The following DPP10 variants were observed in gnomAD, a reference collection of about 807,000 sequenced individuals.
The protein encoded by DPP10 is dipeptidyl peptidase like 10.
A neutral mutation model predicts 120.9 loss-of-function variants in DPP10; 33 were observed. That is an observed-to-expected ratio of 0.27 (90% CI 0.21 to 0.37). The LOEUF (loss-of-function observed/expected upper bound fraction) is 0.37. DPP10 is among the 10% of genes least tolerant of loss of function. DPP10 has a pLI of 1.00. For synonymous variants in DPP10, 337 were observed against 326.1 expected (o/e 1.03, Z -0.36); for missense variants, 816 against 942.8 (o/e 0.87, Z 1.76).
chr2:114,743,915 A>G (rs1411114860), intron 1 of DPP10, among the ~76,000 whole-genome samples: 1 of 152,068 alleles, frequency 6.6e-6, no homozygotes, highest in African/African-American at 2.4e-5. Context: ...TCTTGTCCTC[A>G]GGTAGTTTGC....
chr2:114,726,298 A>G (rs1351520863), intron 1 of DPP10, among the ~76,000 whole-genome samples: 1 of 151,880 alleles, frequency 6.6e-6, no homozygotes, highest in Non-Finnish European at 1.5e-5. Context: ...AGCCAGCCAT[A>G]TGGTTCAGAT....
chr2:115,452,836 A>G (rs996346085), intron 3 of DPP10, among the ~76,000 whole-genome samples: 1 of 151,902 alleles, frequency 6.6e-6, no homozygotes, highest in African/African-American at 2.4e-5. Context: ...TGAATCAGAC[A>G]TATTCGTTTA....
intron 1 of DPP10, among the ~76,000 whole-genome samples, chr2:115,056,986 T>C (rs1490674874): frequency 6.6e-6 from 1 of 152,208 alleles, no homozygotes; most frequent in African/African-American, 2.4e-5. Context: ...TCGCTTCACT[T>C]TCAAGGTTCC....
chr2:115,414,149 A>G lies in DPP10; in HGVS notation c.271+70237A>G, dbSNP rs1197643305. The stretch of plus-strand genomic sequence containing the variant: ...AAAAACATGTAATTTCTATCCCCCA[A>G]ATTGTACCTATTTAGGATTAGATTT... On this transcript the variant is annotated intron_variant, in intron 3 of 25. Transcript: ENST00000410059. 5.9e-5 allele frequency among the ~76,000 whole-genome samples: 9 copies of G among 152,222 alleles called. 1 individual carries two copies. The South Asian group carries it at 8.3e-4, about 14-fold the overall frequency.
At chr2:115,053,899 A>G (rs1705698744) in intron 1 of DPP10, among the ~76,000 whole-genome samples, 1 of 152,212 alleles carries the variant, frequency 6.6e-6, no homozygotes, top group Non-Finnish European at 1.5e-5. Context: ...ACTGTTTGCA[A>G]CTAGCTTATT....
chr2:115,099,396 C>T (rs1462362019), intron 1 of DPP10, among the ~76,000 whole-genome samples: 1 of 152,182 alleles, frequency 6.6e-6, no homozygotes, highest in Admixed American at 6.5e-5. Context: ...AGCAGCCATA[C>T]TTTCTCCCGG....
intron 5 of DPP10, among the ~76,000 whole-genome samples, chr2:115,598,478 G>C (rs11903481): frequency 0.012 from 1,879 of 151,508 alleles, 30 homozygotes; most frequent in African/African-American, 0.044. Context: ...CTGTTCTATG[G>C]CTTACAATTT....
At chr2:114,901,522 G>T (rs919588352) in intron 1 of DPP10, among the ~76,000 whole-genome samples, 1 of 152,080 alleles carries the variant, frequency 6.6e-6, no homozygotes, top group Non-Finnish European at 1.5e-5. Context: ...TTTTAAGAAG[G>T]GATGAGATGC....
At chr2:114,658,693 G>C (rs1009583231) in intron 1 of DPP10, among the ~76,000 whole-genome samples, 1 of 152,124 alleles carries the variant, frequency 6.6e-6, no homozygotes, top group Non-Finnish European at 1.5e-5. Flanking sequence ...TTTATACCCG[G>C]TATAACAGAT....
intron 1 of DPP10, among the ~76,000 whole-genome samples, chr2:114,726,756 C>A (rs969190891): frequency 3.3e-4 from 50 of 152,086 alleles, no homozygotes; most frequent in African/African-American, 1.1e-3. Flanking sequence ...AGCAGGCCAC[C>A]TGTAGTTTGA....
intron 1 of DPP10, among the ~76,000 whole-genome samples, chr2:114,938,737 T>G (rs1007607679): frequency 6.6e-6 from 1 of 151,422 alleles, no homozygotes; most frequent in African/African-American, 2.4e-5. Context: ...CCCTTTTTTT[T>G]TTTTTTTTTT....
At chr2:114,585,020 T>G (rs1188722240) in intron 1 of DPP10, among the ~76,000 whole-genome samples, 1 of 152,212 alleles carries the variant, frequency 6.6e-6, no homozygotes, top group African/African-American at 2.4e-5. Flanking sequence ...CTTTTTATTT[T>G]TGCATAACAA....
In DPP10 at chr2:115,529,614, TAC is replaced by T. The variant is rs200404878; in HGVS notation, c.441+3644_441+3645del. On this transcript the variant is annotated intron_variant, in intron 5 of 25. Transcript: ENST00000410059. ...CATTTATAGTTTTATGCAAATCTGA[TAC>T]AGTTTTTAAAGATTAGTGAATGAAA... Among the ~76,000 whole-genome samples, 481 of 152,232 alleles carry T rather than the reference TAC, an allele frequency of 3.2e-3. 3 individuals carry two copies. Among genetic ancestry groups the T allele is most frequent in the African/African-American group, 0.011 (456 of 41,562 alleles).
intron 1 of DPP10, among the ~76,000 whole-genome samples, chr2:114,709,258 C>A (rs989037970): frequency 6.6e-6 from 1 of 152,116 alleles, no homozygotes; most frequent in Non-Finnish European, 1.5e-5. Context: ...AGTGCTACAT[C>A]TCTTCCGTGA....
At chr2:115,207,402 A>G (rs1436774617) in intron 1 of DPP10, among the ~76,000 whole-genome samples, 1 of 111,790 alleles carries the variant, frequency 8.9e-6, no homozygotes, top group Non-Finnish European at 1.7e-5. Flanking sequence ...GTTTTTAAAG[A>G]GTGCTTACTG....
chr2:115,491,250 A>G (rs1359970400), intron 3 of DPP10, among the ~76,000 whole-genome samples: 2 of 152,218 alleles, frequency 1.3e-5, no homozygotes, highest in Non-Finnish European at 1.5e-5. Flanking sequence ...CTTAGAGCCA[A>G]TGAGCAGAAT....
At chr2:114,817,631 C>T (rs1281373265) in intron 1 of DPP10, among the ~76,000 whole-genome samples, 2 of 152,118 alleles carry the variant, frequency 1.3e-5, no homozygotes, top group African/African-American at 4.8e-5. Context: ...AACAGGAAGT[C>T]AGAGGGTAAG....
intron 7 of DPP10, among the ~76,000 whole-genome samples, chr2:115,693,318 T>C (rs1326318542): frequency 1.3e-5 from 2 of 152,136 alleles, no homozygotes; most frequent in African/African-American, 2.4e-5. Flanking sequence ...TCATGGACAA[T>C]GGTGAGTGGA....
chr2:114,915,125 C>T (rs1694696583), intron 1 of DPP10, among the ~76,000 whole-genome samples: 1 of 79,110 alleles, frequency 1.3e-5, no homozygotes, highest in African/African-American at 4.6e-5. Context: ...AACGAGACTC[C>T]GTCTCAAAAA....
Sources: gnomAD v4.1 joint callset for allele counts (sites outside exome capture counted in the v4.1 genomes callset) on GRCh38, gnomAD v4.1.1 for gene constraint, MANE v1.5 for transcripts, NCBI Gene and HGNC (gene_info 2026-07-23, HGNC 2026-07-21) for gene names.